CARMIL1: variants seen among roughly 807,000 people sequenced by gnomAD.
The protein encoded by CARMIL1 is capping protein regulator and myosin 1 linker 1.
A neutral mutation model predicts 177.1 loss-of-function variants in CARMIL1; 90 were observed. The observed-to-expected ratio is 0.51, with a 90% confidence interval of 0.43 to 0.61. CARMIL1 has a LOEUF of 0.61. Among genes scored for constraint, CARMIL1 ranks in the 20% least tolerant of loss-of-function variants. The pLI, the probability that CARMIL1 is intolerant of heterozygous loss-of-function variation, is 0.00. For missense variants in CARMIL1, 1,380 were observed against 1,667.0 expected (o/e 0.83, Z 3.00); for synonymous variants, 577 against 606.2 (o/e 0.95, Z 0.71).
At chr6:25,359,178 A>G (rs925599006) in intron 2 of CARMIL1, among the ~76,000 whole-genome samples, 33 of 152,310 alleles carry the variant, frequency 2.2e-4, no homozygotes, top group African/African-American at 7.9e-4. Flanking sequence ...GAATGCCATT[A>G]TAGCTAAGAC....
At chr6:25,506,092 T>A (rs2151034946) in intron 17 of CARMIL1, among the ~76,000 whole-genome samples, 1 of 152,334 alleles carries the variant, frequency 6.6e-6, no homozygotes, top group Non-Finnish European at 1.5e-5. Context: ...TTCAGTCCAT[T>A]TGATAGTCAT....
chr6:25,483,436 G>A (rs1489763750), intron 12 of CARMIL1, among the ~76,000 whole-genome samples: 10 of 152,030 alleles, frequency 6.6e-5, no homozygotes, highest in Non-Finnish European at 1.3e-4. Context: ...TTCTACACAG[G>A]TAGAGTTAAA....
intron 2 of CARMIL1, among the ~76,000 whole-genome samples, chr6:25,323,758 T>TTGGG (rs927718252): frequency 1.3e-5 from 2 of 152,250 alleles, no homozygotes; most frequent in African/African-American, 4.8e-5. Flanking sequence ...CCTTTGGAAG[T>TTGGG]TGGGACTGTT....
intron 2 of CARMIL1, among the ~76,000 whole-genome samples, chr6:25,414,193 C>G (rs949298603): frequency 3.9e-5 from 6 of 152,174 alleles, no homozygotes; most frequent in Non-Finnish European, 7.3e-5. Context: ...TCTGTAATCT[C>G]TAACTCTCTA....
chr6:25,280,950 T>C lies in CARMIL1; in HGVS notation c.40+1115T>C, dbSNP rs146055015. On this transcript the variant is annotated intron_variant, in intron 1 of 36. Coordinates refer to ENST00000329474, the MANE Select transcript of CARMIL1 (RefSeq NM_017640.6). ...TGTTGTTTCTTTTAGCTAATAATACTTTGGAGGAATTTGTGTATGCCCTTC... is the reference window on the plus strand; with the variant it reads ...TGTTGTTTCTTTTAGCTAATAATACCTTGGAGGAATTTGTGTATGCCCTTC... Among the ~76,000 whole-genome samples, 1,117 of 152,080 alleles carry C rather than the reference T, an allele frequency of 7.3e-3. 12 individuals are homozygous for C. The highest frequency in any genetic ancestry group is 0.023 in the African/African-American group (935 of 41,484).
intron 2 of CARMIL1, among the ~76,000 whole-genome samples, chr6:25,380,824 G>A (rs561683313): frequency 6.6e-6 from 1 of 151,926 alleles, no homozygotes; most frequent in East Asian, 1.9e-4. Context: ...CCACAGTCTA[G>A]ACTGTGTACT....
intron 2 of CARMIL1, among the ~76,000 whole-genome samples, chr6:25,332,461 T>TA (rs1382428888): frequency 2.6e-5 from 4 of 151,956 alleles, no homozygotes; most frequent in Non-Finnish European, 5.9e-5. Flanking sequence ...AATGTATTTT[T>TA]AAGGTAGAAG....
chr6:25,334,810 T>G (rs755669442), intron 2 of CARMIL1, among the ~76,000 whole-genome samples: 2 of 152,196 alleles, frequency 1.3e-5, no homozygotes, highest in Non-Finnish European at 2.9e-5. Flanking sequence ...CTCACAGATC[T>G]AAGGGATGCA....
At chr6:25,530,843 C>T (rs371992940) in intron 24 of CARMIL1, among the ~76,000 whole-genome samples, 1 of 152,074 alleles carries the variant, frequency 6.6e-6, no homozygotes, top group Non-Finnish European at 1.5e-5. Flanking sequence ...CTTTAAGCTG[C>T]AGGGTTAAGG....
Position 25,471,177 on chromosome 6 carries a change from T to C in CARMIL1, c.699T>C (p.Asp233=), listed in dbSNP as rs757535759. The C allele has an allele frequency of 6.2e-6, 10 of 1,607,326 alleles. No homozygotes were observed. The highest frequency in any genetic ancestry group is 8.5e-6 in the Non-Finnish European group (10 of 1,176,130). The change falls in exon 10 of 37, where the codon GAT becomes GAC. Residue 233 remains aspartate (D), a synonymous_variant. Coordinates refer to ENST00000329474, the MANE Select transcript of CARMIL1 (RefSeq NM_017640.6). ...AATGTTTTCTGTTACAGTCCACTGA[T>C]GTCTGTGAACAGATCTTGAGGGTGG... ...LSSKDLKLST[D]VCEQILRVVS... is the part of the protein sequence containing the mutation.
intron 24 of CARMIL1, among the ~76,000 whole-genome samples, chr6:25,536,173 A>G (rs991060421): frequency 2.0e-5 from 3 of 152,158 alleles, no homozygotes; most frequent in Admixed American, 1.3e-4. Context: ...TTGTCTCTTG[A>G]AATTAGGCAT....
At chr6:25,605,684 T>TA (rs773923060) in intron 34 of CARMIL1, among the ~76,000 whole-genome samples, 2 of 152,196 alleles carry the variant, frequency 1.3e-5, no homozygotes, top group Admixed American at 6.5e-5. Flanking sequence ...CCAAGGCACT[T>TA]ACATTCGGTT....
chr6:25,407,057 A>C (rs1420737881), intron 2 of CARMIL1, among the ~76,000 whole-genome samples: 1 of 152,122 alleles, frequency 6.6e-6, no homozygotes. Context: ...AAGTGCATGG[A>C]TTTAGCAGCC....
chr6:25,531,017 T>C (rs181144834), intron 24 of CARMIL1, among the ~76,000 whole-genome samples: 11 of 152,296 alleles, frequency 7.2e-5, no homozygotes, highest in African/African-American at 2.6e-4. Flanking sequence ...CGAAACAAAC[T>C]AAAATTAGAA....
chr6:25,442,616 G>A (rs1797878290), intron 5 of CARMIL1, among the ~76,000 whole-genome samples: 1 of 151,890 alleles, frequency 6.6e-6, no homozygotes, highest in African/African-American at 2.4e-5. Flanking sequence ...CACAGTGTTA[G>A]CATAGATAAG....
chr6:25,606,271 C>G lies in CARMIL1; in HGVS notation c.3845C>G (p.Pro1282Arg). 1 of 1,612,760 alleles carries G rather than the reference C, an allele frequency of 6.2e-7. No individual in the cohort carries two copies. The highest frequency in any genetic ancestry group is 8.5e-7 in the Non-Finnish European group (1 of 1,179,538). ...CAGAAACCAAGAACCGCCTCACGGC[C>G]TGGTAAGAGTTTTGCAGTTAGGGAG... is the stretch of plus-strand genomic sequence containing the variant. Reference protein sequence around the residue: ...IPQKPRTASRPDDIPDSPSSP... With the variant: ...IPQKPRTASRRDDIPDSPSSP... The change falls in exon 35 of 37, where the codon CCT becomes CGT. Residue 1282 changes from proline to arginine, a missense_variant and splice_region_variant. Physicochemically the swap from Pro to Arg is moderately radical, Grantham distance 103. Transcript: ENST00000329474.
At chr6:25,521,708 G>T (rs1180892164) in intron 23 of CARMIL1, among the ~76,000 whole-genome samples, 2 of 150,492 alleles carry the variant, frequency 1.3e-5, no homozygotes, top group African/African-American at 2.5e-5. Context: ...GACGGAGCTT[G>T]CAGTGAGCTG....
At chr6:25,384,191 A>G (rs1303614703) in intron 2 of CARMIL1, among the ~76,000 whole-genome samples, 4 of 152,212 alleles carry the variant, frequency 2.6e-5, no homozygotes, top group Non-Finnish European at 2.9e-5. Flanking sequence ...AGAAAGCCCA[A>G]TTGCCTCAAT....
At chr6:25,529,316 C>A (rs1197668539) in intron 24 of CARMIL1, among the ~76,000 whole-genome samples, 4 of 151,970 alleles carry the variant, frequency 2.6e-5, no homozygotes, top group African/African-American at 9.7e-5. Context: ...TTCCGAGATT[C>A]TTTTGAAGAA....
Sources: allele counts gnomAD v4.1 joint callset (sites outside exome capture counted in the v4.1 genomes callset), GRCh38; gene constraint gnomAD v4.1.1; transcripts MANE v1.5; gene names NCBI Gene and HGNC (gene_info 2026-07-23, HGNC 2026-07-21).